KIAA1671: variants seen among roughly 807,000 people sequenced by gnomAD.
KIAA1671 encodes uncharacterized protein KIAA1671.
In KIAA1671, 52 loss-of-function variants were observed where a neutral mutation model predicts 131.2. That is an observed-to-expected ratio of 0.40 (90% confidence interval 0.32 to 0.50). KIAA1671 has a LOEUF of 0.50. Among genes scored for constraint, KIAA1671 ranks in the 20% least tolerant of loss-of-function variants. The pLI, the probability that KIAA1671 is intolerant of heterozygous loss-of-function variation, is 0.73. For synonymous variants in KIAA1671, 1,003 were observed against 961.6 expected (o/e 1.04, Z -0.80); for missense variants, 2,360 against 2,364.2 (o/e 1.00, Z 0.04).
chr22:24,975,101 A>G (rs1397199966), intron 1 of KIAA1671, among the ~76,000 whole-genome samples: 2 of 152,154 alleles, frequency 1.3e-5, no homozygotes, highest in African/African-American at 2.4e-5. Flanking sequence ...CATCACCTCC[A>G]AAAGGAAACC....
At chr22:25,142,352 G>T (rs1369254821) in intron 6 of KIAA1671, among the ~76,000 whole-genome samples, 1 of 152,126 alleles carries the variant, frequency 6.6e-6, no homozygotes, top group African/African-American at 2.4e-5. Flanking sequence ...TGCCGAATCC[G>T]ATCCCTTCTC....
chr22:25,158,779 G>A (rs113620411), intron 6 of KIAA1671, among the ~76,000 whole-genome samples: 4 of 152,234 alleles, frequency 2.6e-5, no homozygotes, highest in East Asian at 1.9e-4. Flanking sequence ...CTGATTTCTC[G>A]GATTGTTGGG....
chr22:25,078,970 A>T (rs1245228708), intron 6 of KIAA1671, among the ~76,000 whole-genome samples: 1 of 152,140 alleles, frequency 6.6e-6, no homozygotes, highest in Non-Finnish European at 1.5e-5. Context: ...CAAATCTCTT[A>T]GCCCTCCCAG....
At chr22:25,158,447 T>TTTCTATGA (rs1434926534) in intron 6 of KIAA1671, among the ~76,000 whole-genome samples, 1 of 152,068 alleles carries the variant, frequency 6.6e-6, no homozygotes, top group Non-Finnish European at 1.5e-5. Context: ...AGCCCAATAA[T>TTTCTATGA]TTCTATGATG....
At chr22:25,170,973 G>C (rs761927779) in intron 7 of KIAA1671, 35 bp downstream of exon 7, 36 of 1,524,752 alleles carry the variant, frequency 2.4e-5, no homozygotes, top group South Asian at 7.2e-5. Flanking sequence ...GGCTGCAAAG[G>C]GGGCAGCTGG....
chr22:25,174,532 C>A, intron 8 of KIAA1671, 43 bp downstream of exon 8: 1 of 1,474,524 alleles, frequency 6.8e-7, no homozygotes, highest in Non-Finnish European at 9.0e-7. Flanking sequence ...ATGGAAATTC[C>A]AGCCTCTCTC....
chr22:25,109,931 A>G (rs978965529), intron 6 of KIAA1671: 2 of 152,238 alleles, frequency 1.3e-5, no homozygotes, highest in African/African-American at 4.8e-5. Flanking sequence ...CAGCCTAGAC[A>G]ACATGGTGAA....
At chr22:25,005,316 C>G (rs1328069139) in intron 1 of KIAA1671, among the ~76,000 whole-genome samples, 1 of 148,514 alleles carries the variant, frequency 6.7e-6, no homozygotes, top group Non-Finnish European at 1.5e-5. Context: ...CCACTGCACT[C>G]CAGCCTGGGT....
chr22:25,021,303 C>T (rs924293886), intron 1 of KIAA1671, among the ~76,000 whole-genome samples: 1 of 109,946 alleles, frequency 9.1e-6, no homozygotes, highest in Non-Finnish European at 2.3e-5. Context: ...AAGTGATCCT[C>T]CCACCTCCGC....
chr22:25,095,938 G>A (rs1930373015), intron 6 of KIAA1671, among the ~76,000 whole-genome samples: 1 of 152,226 alleles, frequency 6.6e-6, no homozygotes, highest in African/African-American at 2.4e-5. Flanking sequence ...GGAAGCCTAG[G>A]TTTTCTGCTG....
chr22:25,070,448 A>G, intron 6 of KIAA1671: 1 of 440,142 alleles, frequency 2.3e-6, no homozygotes, highest in Non-Finnish European at 4.2e-6. Context: ...AGGCTCCAGG[A>G]CGGGGTCACG....
In KIAA1671 at chr22:25,041,540, A is replaced by G. The variant is rs1926924588; in HGVS notation, c.4395+15A>G. On this transcript the variant is annotated intron_variant, in intron 5 of 12. Transcript: ENST00000358431. ...ACAGTCACAAGGTAAGTACCGAGAC[A>G]CTTTTTAATTTTGTCAAACATGGTT... 2 of 1,501,776 alleles carry G rather than the reference A, an allele frequency of 1.3e-6. No homozygotes were observed. The highest frequency in any genetic ancestry group is 1.8e-6 in the Non-Finnish European group (2 of 1,125,296). The allele number at this position is 1,501,776 out of a possible 1,614,324, so 93.0% of individuals were successfully genotyped here.
Position 24,964,734 on chromosome 22 carries a change from T to C in KIAA1671, c.-208+11962T>C, listed in dbSNP as rs886337335. Among the ~76,000 whole-genome samples, 7 of 152,304 alleles carry C rather than the reference T, an allele frequency of 4.6e-5. 1 individual carries two copies. Among genetic ancestry groups the C allele is most frequent in the Middle Eastern group, 3.4e-3 (1 of 294 alleles). Reference sequence around the variant, plus strand: ...CACCATGCCCTACCCCTATACATTGTTGTATTTGATTCTTGTGACTCCATT... The same window carrying C: ...CACCATGCCCTACCCCTATACATTGCTGTATTTGATTCTTGTGACTCCATT... On this transcript the variant is annotated intron_variant, in intron 1 of 12. Transcript: ENST00000358431.
chr22:25,085,944 A>G (rs1016308288), intron 6 of KIAA1671, among the ~76,000 whole-genome samples: 2 of 152,162 alleles, frequency 1.3e-5, no homozygotes, highest in African/African-American at 4.8e-5. Context: ...GACTCTTTGC[A>G]AGCAGAAACA....
chr22:25,082,212 C>G (rs1228886117), intron 6 of KIAA1671, among the ~76,000 whole-genome samples: 1 of 152,180 alleles, frequency 6.6e-6, no homozygotes, highest in East Asian at 1.9e-4. Flanking sequence ...GCCACCACCC[C>G]CTCTGGGCCC....
intron 6 of KIAA1671, among the ~76,000 whole-genome samples, chr22:25,141,760 C>T (rs1003507990): frequency 2.6e-5 from 4 of 152,140 alleles, no homozygotes; most frequent in African/African-American, 4.8e-5. Context: ...TGATGCATCA[C>T]GGGATTTTCC....
At chr22:25,156,898 A>G (rs1933263541) in intron 6 of KIAA1671, among the ~76,000 whole-genome samples, 1 of 152,200 alleles carries the variant, frequency 6.6e-6, no homozygotes, top group Non-Finnish European at 1.5e-5. Flanking sequence ...ATAGGGAGAC[A>G]CACCCAGCGC....
At chr22:25,018,775 A>G (rs914499254) in intron 1 of KIAA1671, among the ~76,000 whole-genome samples, 5 of 152,196 alleles carry the variant, frequency 3.3e-5, no homozygotes, top group African/African-American at 4.8e-5. Context: ...TCCATTGTAT[A>G]AGGATAGATT....
intron 5 of KIAA1671, among the ~76,000 whole-genome samples, chr22:25,046,880 T>G (rs1272053127): frequency 6.6e-6 from 1 of 152,078 alleles, no homozygotes; most frequent in African/African-American, 2.4e-5. Context: ...TTGTTAGTTA[T>G]GAAGGCTCCC....
Sources: allele counts gnomAD v4.1 joint callset (sites outside exome capture counted in the v4.1 genomes callset), GRCh38; gene constraint gnomAD v4.1.1; transcripts MANE v1.5; gene names NCBI Gene and HGNC (gene_info 2026-07-23, HGNC 2026-07-21).